SLCO6A1: variants seen among roughly 807,000 people sequenced by gnomAD.
The protein encoded by SLCO6A1 is solute carrier organic anion transporter family member 6A1, also known as cancer/testis antigen 48.
A neutral mutation model predicts 72.7 loss-of-function variants in SLCO6A1; 65 were observed. The ratio of observed to expected loss-of-function variants is 0.89; its 90% CI spans 0.73 to 1.10. The LOEUF (loss-of-function observed/expected upper bound fraction) is 1.10, where lower values mean the gene tolerates loss of function less well. Among genes scored for constraint, SLCO6A1 ranks in the 50% least tolerant of loss-of-function variants. The probability of loss-of-function intolerance (pLI) is 0.00; values close to 1 mark genes in which losing one functional copy is unlikely to be tolerated. For missense variants in SLCO6A1, 874 were observed against 872.6 expected, an observed-to-expected ratio of 1.00 and a Z score of -0.02; for synonymous variants, 314 against 298.2, an observed-to-expected ratio of 1.05 and a Z score of -0.55.
At chr5:102,470,576 G>T (rs567346474) in intron 4 of SLCO6A1, among the ~76,000 whole-genome samples, 7 of 152,066 alleles carry the variant, frequency 4.6e-5, no homozygotes, top group African/African-American at 1.7e-4. Context: ...CTTGCTAGCG[G>T]TCTATTTTGT....
chr5:102,445,655 T>G (rs994101858), intron 6 of SLCO6A1, among the ~76,000 whole-genome samples: 46 of 152,206 alleles, frequency 3.0e-4, no homozygotes, highest in African/African-American at 1.1e-3. Context: ...TGGGCCAACA[T>G]CCAGAATGGT....
intron 4 of SLCO6A1, among the ~76,000 whole-genome samples, chr5:102,461,511 A>G (rs77607372): frequency 9.1e-4 from 139 of 152,256 alleles, no homozygotes; most frequent in Admixed American, 1.5e-3. Flanking sequence ...ACCAAATAGA[A>G]AACTATACAA....
At position 102,404,411 on chromosome 5, in the gene SLCO6A1, C is replaced by T. The variant is rs868856902; in HGVS notation, c.1627-4669G>A. ...TTGGGAGGCTGAGGCAGGAGAATGCCGTGAACCGGGGAGGCGGAGCTTGCA... is the reference window on the plus strand; with the variant it reads ...TTGGGAGGCTGAGGCAGGAGAATGCTGTGAACCGGGGAGGCGGAGCTTGCA... On this transcript the variant is annotated intron_variant, in intron 9 of 13. Coordinates refer to ENST00000506729, the MANE Select transcript of SLCO6A1 (RefSeq NM_173488.5). Among the ~76,000 whole-genome samples the T allele has an allele frequency of 1.1e-4, 17 of 152,228 alleles. No homozygotes were observed. The Middle Eastern group carries it at 0.014, about 122-fold the overall frequency.
At chr5:102,478,128 T>C (rs1369311403) in intron 2 of SLCO6A1, among the ~76,000 whole-genome samples, 1 of 152,006 alleles carries the variant, frequency 6.6e-6, no homozygotes, top group Non-Finnish European at 1.5e-5. Flanking sequence ...GTGACAAGCC[T>C]GGGCAACATA....
At chr5:102,393,534 A>G (rs1580344921) in intron 10 of SLCO6A1, among the ~76,000 whole-genome samples, 1 of 152,296 alleles carries the variant, frequency 6.6e-6, no homozygotes, top group East Asian at 1.9e-4. Context: ...GAATCCCCAG[A>G]ATAAGTTAGA....
intron 12 of SLCO6A1, among the ~76,000 whole-genome samples, chr5:102,374,553 G>C (rs1170153310): frequency 6.6e-6 from 1 of 152,020 alleles, no homozygotes; most frequent in South Asian, 2.1e-4. Flanking sequence ...GCCTCTCTAA[G>C]TGTAAAATAT....
At chr5:102,421,298 C>T (rs950131766) in intron 7 of SLCO6A1, among the ~76,000 whole-genome samples, 2 of 152,034 alleles carry the variant, frequency 1.3e-5, no homozygotes, top group East Asian at 1.9e-4. Flanking sequence ...GAAACGGAGC[C>T]GAAGCCAGGG....
intron 9 of SLCO6A1, among the ~76,000 whole-genome samples, chr5:102,411,061 G>A (rs998318229): frequency 2.6e-5 from 4 of 152,152 alleles, no homozygotes; most frequent in Non-Finnish European, 2.9e-5. Context: ...GTGGCTTGAA[G>A]TTTCAGGGGA....
intron 7 of SLCO6A1, chr5:102,438,403 A>C: frequency 2.9e-6 from 1 of 341,614 alleles, no homozygotes; most frequent in Non-Finnish European, 5.4e-6. Flanking sequence ...GAATGAAGAT[A>C]AATGGGATAA....
At chr5:102,378,923 G>T (rs1358027944) in intron 12 of SLCO6A1, among the ~76,000 whole-genome samples, 1 of 152,050 alleles carries the variant, frequency 6.6e-6, no homozygotes, top group South Asian at 2.1e-4. Context: ...TGGGGTTACA[G>T]GTGCCCGCCA....
In SLCO6A1 at chr5:102,487,485, T is replaced by C. The variant is rs114697234; in HGVS notation, c.359-7051A>G. ...ACCGTAGTACAAAGTGTGCTTAGAC[T>C]ACTATGCACTCTGTGACTTTACTCT... On this transcript the variant is annotated intron_variant, in intron 1 of 13. Coordinates refer to ENST00000506729, the MANE Select transcript of SLCO6A1 (RefSeq NM_173488.5). 8.1e-3 allele frequency among the ~76,000 whole-genome samples: 1,241 copies of C among 152,330 alleles called. 12 individuals carry two copies. The highest frequency in any genetic ancestry group is 0.015 in the Non-Finnish European group (1,008 of 68,028).
At chr5:102,416,021 A>G (rs1486346155) in intron 8 of SLCO6A1, among the ~76,000 whole-genome samples, 1 of 152,184 alleles carries the variant, frequency 6.6e-6, no homozygotes, top group Non-Finnish European at 1.5e-5. Context: ...ATGTTACCCT[A>G]GTCAGAATGG....
intron 9 of SLCO6A1, among the ~76,000 whole-genome samples, chr5:102,407,955 C>G (rs1747760889): frequency 6.6e-6 from 1 of 152,132 alleles, no homozygotes; most frequent in African/African-American, 2.4e-5. Context: ...CATGGCATGT[C>G]TGGATTGCTG....
At chr5:102,468,194 G>T (rs563054248) in intron 4 of SLCO6A1, among the ~76,000 whole-genome samples, 3 of 152,026 alleles carry the variant, frequency 2.0e-5, no homozygotes, top group Non-Finnish European at 4.4e-5. Context: ...TGGTCTGAGA[G>T]GATACTTGAT....
intron 6 of SLCO6A1, among the ~76,000 whole-genome samples, chr5:102,454,411 G>A (rs961091553): frequency 2.0e-5 from 3 of 152,158 alleles, no homozygotes; most frequent in African/African-American, 7.2e-5. Flanking sequence ...CAAAATAGTT[G>A]TTGACAATTC....
At chr5:102,471,589 G>A (rs1443489592) in intron 4 of SLCO6A1, among the ~76,000 whole-genome samples, 2 of 151,984 alleles carry the variant, frequency 1.3e-5, no homozygotes, top group Non-Finnish European at 2.9e-5. Flanking sequence ...TGCTACACCC[G>A]CTTAATTTCC....
At position 102,475,758 on chromosome 5, in the gene SLCO6A1, G is replaced by C. The variant is rs1276755502; in HGVS notation, c.838C>G (p.Leu280Val). The C allele has an allele frequency of 3.1e-6, 5 of 1,608,738 alleles. No individual in the cohort carries two copies. Among genetic ancestry groups the C allele is most frequent in the Non-Finnish European group, 1.7e-6 (2 of 1,177,240 alleles). The change falls in exon 4 of 14, where the codon CTG (leucine) becomes GTG (valine). Residue 280 changes from leucine (L) to valine (V), a missense_variant. Coordinates refer to ENST00000506729, the MANE Select transcript of SLCO6A1 (RefSeq NM_173488.5). ...AGTGGTGCTCCTAGCACATAACCCA[G>C]AGCATATCCAATCATTGATGTACAT... Reference protein sequence around the residue: ...AECTSMIGYALGYVLGAPLVK... With the variant: ...AECTSMIGYAVGYVLGAPLVK...
At chr5:102,383,121 T>C (rs1746218289) in intron 12 of SLCO6A1, among the ~76,000 whole-genome samples, 1 of 148,616 alleles carries the variant, frequency 6.7e-6, no homozygotes, top group South Asian at 2.1e-4. Flanking sequence ...GTGTTTTATA[T>C]ACATAAATAA....
At chr5:102,395,929 T>C (rs1747050153) in intron 10 of SLCO6A1, among the ~76,000 whole-genome samples, 1 of 152,194 alleles carries the variant, frequency 6.6e-6, no homozygotes, top group Non-Finnish European at 1.5e-5. Context: ...TCATTTTAGA[T>C]TCTGGATATT....
Sources: allele counts gnomAD v4.1 joint callset (sites outside exome capture counted in the v4.1 genomes callset), GRCh38; gene constraint gnomAD v4.1.1; transcripts MANE v1.5; gene names NCBI Gene and HGNC (gene_info 2026-07-23, HGNC 2026-07-21).